Variants in CCDC178 observed in about 807,000 individuals in gnomAD.
CCDC178 encodes the protein coiled-coil domain-containing protein 178.
In CCDC178, 126 loss-of-function variants were observed where a neutral mutation model predicts 117.4. That is an observed-to-expected ratio of 1.07 (90% confidence interval 0.93 to 1.24). CCDC178 has a LOEUF of 1.24. Among genes scored for constraint, CCDC178 ranks in the 50% most tolerant of loss-of-function variants. CCDC178 has a pLI of 0.00. For missense variants in CCDC178, 1,030 were observed against 986.9 expected (o/e 1.04, Z -0.59); for synonymous variants, 283 against 313.4 (o/e 0.90, Z 1.02).
chr18:33,231,718 C>A (rs78222340), intron 15 of CCDC178, among the ~76,000 whole-genome samples: 3 of 152,174 alleles, frequency 2.0e-5, no homozygotes, highest in Non-Finnish European at 4.4e-5. Flanking sequence ...TGCAGAACTG[C>A]CACCAGCTGG....
At chr18:32,988,104 A>ATAATC (rs2055303903) in intron 21 of CCDC178, among the ~76,000 whole-genome samples, 1 of 144,238 alleles carries the variant, frequency 6.9e-6, no homozygotes, top group African/African-American at 2.7e-5. Context: ...TAATAATAAT[A>ATAATC]ATAATAATAA....
chr18:33,360,668 C>T (rs1401043513), intron 6 of CCDC178, among the ~76,000 whole-genome samples: 1 of 151,436 alleles, frequency 6.6e-6, no homozygotes, highest in African/African-American at 2.4e-5. Flanking sequence ...TTGCAAGATA[C>T]AAAATCAATG....
chr18:33,150,364 A>G (rs547380276), intron 20 of CCDC178, among the ~76,000 whole-genome samples: 9 of 152,358 alleles, frequency 5.9e-5, no homozygotes, highest in South Asian at 4.1e-4. Context: ...AACAAATGCA[A>G]TAAGAACAAA....
intron 21 of CCDC178, among the ~76,000 whole-genome samples, chr18:33,049,325 T>C (rs2056702180): frequency 6.6e-6 from 1 of 152,192 alleles, no homozygotes; most frequent in South Asian, 2.1e-4. Context: ...ATAAGTTCTA[T>C]TTAAAATTTG....
intron 21 of CCDC178, among the ~76,000 whole-genome samples, chr18:33,077,180 A>G (rs1380882191): frequency 2.0e-5 from 3 of 152,232 alleles, no homozygotes; most frequent in Non-Finnish European, 2.9e-5. Flanking sequence ...CTGTATATGG[A>G]TAATGAGTTG....
At chr18:33,034,075 T>C (rs999735159) in intron 21 of CCDC178, among the ~76,000 whole-genome samples, 6 of 151,998 alleles carry the variant, frequency 3.9e-5, no homozygotes, top group African/African-American at 7.2e-5. Flanking sequence ...ACCTGTCTTT[T>C]AGAAAATCAC....
chr18:33,187,828 A>C (rs2058814985), intron 20 of CCDC178, among the ~76,000 whole-genome samples: 1 of 152,072 alleles, frequency 6.6e-6, no homozygotes, highest in African/African-American at 2.4e-5. Context: ...ATGAAGTTGA[A>C]ATGCTAGAAC....
chr18:33,218,070 T>A (rs1187402169), intron 18 of CCDC178, among the ~76,000 whole-genome samples: 2 of 152,100 alleles, frequency 1.3e-5, no homozygotes, highest in South Asian at 2.1e-4. Flanking sequence ...TTCTCTGTAA[T>A]TTTTTAAATA....
chr18:33,319,743 A>G (rs2062477104), intron 11 of CCDC178, among the ~76,000 whole-genome samples: 1 of 152,182 alleles, frequency 6.6e-6, no homozygotes, highest in South Asian at 2.1e-4. Context: ...AACTGGTGTG[A>G]GATGGTATCT....
At chr18:33,063,286 T>C (rs2056958633) in intron 21 of CCDC178, among the ~76,000 whole-genome samples, 2 of 152,094 alleles carry the variant, frequency 1.3e-5, no homozygotes, top group African/African-American at 4.8e-5. Context: ...CAGCATGTCA[T>C]CTGGGGGTTT....
chr18:33,057,541 G>T (rs939890294), intron 21 of CCDC178, among the ~76,000 whole-genome samples: 1 of 152,100 alleles, frequency 6.6e-6, no homozygotes. Context: ...ACCCAGGCTG[G>T]AGTGCAATGG....
At chr18:33,267,648 G>A (rs547331339) in intron 12 of CCDC178, among the ~76,000 whole-genome samples, 2 of 151,246 alleles carry the variant, frequency 1.3e-5, no homozygotes, top group Non-Finnish European at 3.0e-5. Context: ...TCAAGAATAA[G>A]ATCATATTAT....
chr18:33,030,110 C>CTT (rs2056306598), intron 21 of CCDC178, among the ~76,000 whole-genome samples: 1 of 152,022 alleles, frequency 6.6e-6, no homozygotes, highest in Non-Finnish European at 1.5e-5. Context: ...CTATTTCTCT[C>CTT]TTCAAGTCTG....
rs1276815204 is a variant in CCDC178 at position 33,079,420 on chromosome 18, G to A, written c.2388+13341C>T. Among the ~76,000 whole-genome samples the A allele has an allele frequency of 7.9e-5, 12 of 152,220 alleles. No individual in the cohort carries two copies. The South Asian group carries it at 2.5e-3, about 32-fold the overall frequency. On this transcript the variant is annotated intron_variant, in intron 21 of 22. Coordinates refer to ENST00000383096, the MANE Select transcript of CCDC178 (RefSeq NM_001105528.4). ...AACAATCATAACAAAACCAAAAGTT[G>A]ACAAATGGGATCTAATTAAACCAAA...
intron 20 of CCDC178, among the ~76,000 whole-genome samples, chr18:33,171,675 G>T (rs535569979): frequency 6.6e-6 from 1 of 152,166 alleles, no homozygotes; most frequent in Non-Finnish European, 1.5e-5. Context: ...GCTATGCTGG[G>T]GTAACAGTTG....
intron 22 of CCDC178, among the ~76,000 whole-genome samples, chr18:32,942,040 C>T (rs2054249505): frequency 1.3e-5 from 2 of 152,016 alleles, no homozygotes; most frequent in Admixed American, 6.6e-5. Flanking sequence ...GCCATCCCAC[C>T]CAGTTGATCA....
At chr18:33,237,500 G>T (rs1706434288) in intron 15 of CCDC178, among the ~76,000 whole-genome samples, 1 of 152,146 alleles carries the variant, frequency 6.6e-6, no homozygotes, top group Non-Finnish European at 1.5e-5. Flanking sequence ...TGCCAGGCCA[G>T]CTGATCAGCT....
At chr18:33,140,440 C>T (rs1375238388) in intron 20 of CCDC178, among the ~76,000 whole-genome samples, 1 of 152,188 alleles carries the variant, frequency 6.6e-6, no homozygotes, top group African/African-American at 2.4e-5. Context: ...AGGGACGGAG[C>T]TGCCCAAGAT....
At chr18:32,992,251 G>A (rs1399367808) in intron 21 of CCDC178, among the ~76,000 whole-genome samples, 1 of 152,144 alleles carries the variant, frequency 6.6e-6, no homozygotes, top group African/African-American at 2.4e-5. Context: ...TACATGATAT[G>A]TGGGATTATC....
Sources: allele counts gnomAD v4.1 joint callset (sites outside exome capture counted in the v4.1 genomes callset), GRCh38; gene constraint gnomAD v4.1.1; transcripts MANE v1.5; gene names NCBI Gene and HGNC (gene_info 2026-07-23, HGNC 2026-07-21).